Variants in FAM53A observed in about 807,000 individuals in gnomAD.
The protein encoded by FAM53A is family with sequence similarity 53 member A, also known as protein FAM53A.
A neutral mutation model predicts 26.6 loss-of-function variants in FAM53A; 28 were observed. That is an observed-to-expected ratio of 1.05 (90% CI 0.78 to 1.45). FAM53A has a LOEUF of 1.45. Among genes scored for constraint, FAM53A ranks in the 40% most tolerant of loss-of-function variants. The probability of loss-of-function intolerance (pLI) is 0.00; values close to 1 mark genes in which losing one functional copy is unlikely to be tolerated. For synonymous variants in FAM53A, 290 were observed against 253.1 expected (o/e 1.15, Z -1.38); for missense variants, 650 against 575.8 (o/e 1.13, Z -1.32).
intron 4 of FAM53A, among the ~76,000 whole-genome samples, chr4:1,652,482 A>C (rs1055328366): frequency 1.4e-5 from 2 of 145,928 alleles, no homozygotes; most frequent in African/African-American, 5.1e-5. Flanking sequence ...CATCACACAT[A>C]CCACACACGT....
At chr4:1,575,760 G>A in the FAM53A span, among the ~76,000 whole-genome samples, 1 of 152,118 alleles carries the variant, frequency 6.6e-6, no homozygotes, top group African/African-American at 2.4e-5. Flanking sequence ...GGAGCTGGGG[G>A]CAGAATGAGG....
intron 1 of FAM53A, among the ~76,000 whole-genome samples, chr4:1,672,808 C>T (rs190169883): frequency 5.1e-4 from 74 of 146,282 alleles, no homozygotes; most frequent in African/African-American, 1.9e-3. Context: ...CTTTCTCCAT[C>T]GCCCAGGCTG....
At chr4:1,577,778 A>T in the FAM53A span, among the ~76,000 whole-genome samples, 1 of 152,156 alleles carries the variant, frequency 6.6e-6, no homozygotes, top group Non-Finnish European at 1.5e-5. Flanking sequence ...TACCGCGGCC[A>T]TTTAATTCAA....
At chr4:1,588,080 A>C in the FAM53A span, among the ~76,000 whole-genome samples, 1 of 152,212 alleles carries the variant, frequency 6.6e-6, no homozygotes, top group Non-Finnish European at 1.5e-5. Context: ...AGCATCCTTA[A>C]TGCTAAGTCA....
chr4:1,619,751 G>A (rs982413110), intron 1 of FAM53A, among the ~76,000 whole-genome samples: 2 of 152,130 alleles, frequency 1.3e-5, no homozygotes, highest in African/African-American at 4.8e-5. Context: ...TCAGGGCCCT[G>A]GCAGGAATGG....
chr4:1,620,699 ACAC>A (rs60242901), intron 1 of FAM53A, among the ~76,000 whole-genome samples: 7 of 150,486 alleles, frequency 4.7e-5, no homozygotes, highest in African/African-American at 7.4e-5. Flanking sequence ...GAAAGAAAAA[ACAC>A]CACCACCACC....
the FAM53A span, among the ~76,000 whole-genome samples, chr4:1,584,751 C>G: frequency 1.3e-5 from 2 of 152,240 alleles, no homozygotes; most frequent in Admixed American, 1.3e-4. Context: ...ACTTTTTACT[C>G]TGTGCCTGGC....
At position 1,668,655 on chromosome 4, in the gene FAM53A, G is replaced by A. The variant is rs994566936; in HGVS notation, c.75+12C>T. Reference sequence around the variant, plus strand: ...AGGGGCACCCAGCCTGGTGCCACCTGCAGCTGCTTACCGGGCCAGCCTCCG... The same window carrying A: ...AGGGGCACCCAGCCTGGTGCCACCTACAGCTGCTTACCGGGCCAGCCTCCG... On this transcript the variant is annotated intron_variant, in intron 2 of 4. Coordinates refer to ENST00000308132, the MANE Select transcript of FAM53A (RefSeq NM_001174070.3). The A allele has an allele frequency of 3.7e-6, 6 of 1,613,884 alleles. No individual in the cohort carries two copies. The highest frequency in any genetic ancestry group is 2.7e-5 in the African/African-American group (2 of 74,936).
chr4:1,671,690 C>A (rs1577148952), intron 1 of FAM53A, among the ~76,000 whole-genome samples: 1 of 152,364 alleles, frequency 6.6e-6, no homozygotes, highest in East Asian at 1.9e-4. Flanking sequence ...AAGCCAGCCT[C>A]CCTCCCTAAT....
chr4:1,595,432 A>T, the FAM53A span, among the ~76,000 whole-genome samples: 2 of 152,160 alleles, frequency 1.3e-5, no homozygotes, highest in African/African-American at 2.4e-5. Context: ...GGGGTCCACC[A>T]CAGGCCGGGG....
intron 2 of FAM53A, among the ~76,000 whole-genome samples, chr4:1,660,728 A>G (rs1434845888): frequency 2.0e-5 from 3 of 152,014 alleles, no homozygotes. Flanking sequence ...CTCTACTAAA[A>G]ATACAAAAAA....
At chr4:1,677,395 T>G (rs1169888857) in intron 1 of FAM53A, among the ~76,000 whole-genome samples, 1 of 152,194 alleles carries the variant, frequency 6.6e-6, no homozygotes, top group Non-Finnish European at 1.5e-5. Context: ...CCTCCGCTCC[T>G]CCAACCCTTC....
At chr4:1,610,631 T>G in the FAM53A span, among the ~76,000 whole-genome samples, 1 of 131,716 alleles carries the variant, frequency 7.6e-6, no homozygotes, top group Non-Finnish European at 1.7e-5. Context: ...CATCTGGGCT[T>G]GGGAGGGATT....
At chr4:1,627,594 G>A (rs1318445731) in intron 1 of FAM53A, among the ~76,000 whole-genome samples, 2 of 152,188 alleles carry the variant, frequency 1.3e-5, no homozygotes. Flanking sequence ...CATCCGCCGT[G>A]GGCCTGATCC....
chr4:1,624,185 C>T (rs1232236413), intron 1 of FAM53A, among the ~76,000 whole-genome samples: 1 of 152,250 alleles, frequency 6.6e-6, no homozygotes, highest in Non-Finnish European at 1.5e-5. Flanking sequence ...GGGCATGGGC[C>T]ACGACTGGCT....
the FAM53A span, among the ~76,000 whole-genome samples, chr4:1,592,677 C>G: frequency 6.6e-6 from 1 of 152,104 alleles, no homozygotes; most frequent in Non-Finnish European, 1.5e-5. Flanking sequence ...GATGGGAGGG[C>G]AGGATCTTCA....
Position 1,672,085 on chromosome 4 carries a change from C to T in FAM53A, c.-164-3180G>A, listed in dbSNP as rs1002743014. ...CATGGACCCACAGACCCAGAACCCA[C>T]GAACCCACGAACCCAGGAACCCACA... On this transcript the variant is annotated intron_variant, in intron 1 of 4. Coordinates refer to ENST00000308132, the MANE Select transcript of FAM53A (RefSeq NM_001174070.3). 1.6e-3 allele frequency among the ~76,000 whole-genome samples: 197 copies of T among 126,030 alleles called. 3 individuals carry two copies. Among genetic ancestry groups the T allele is most frequent in the African/African-American group, 5.3e-3 (185 of 34,734 alleles). The allele number at this position is 126,030 out of a possible 152,430, so 82.7% of individuals were successfully genotyped here.
At position 1,655,646 on chromosome 4, in the gene FAM53A, G is replaced by C; in HGVS notation, c.214C>G (p.Leu72Val). The C allele has an allele frequency of 1.3e-6, 2 of 1,596,790 alleles. No individual in the cohort carries two copies. The highest frequency in any genetic ancestry group is 1.1e-5 in the South Asian group (1 of 89,226). ...QAATGPDFSF[L>V]PGLSAAAHTM... ...TGAGCGGCAGCAGACAGGCCCGGCA[G>C]GAAGGAGAAATCAGGGCCCGTGGCT... The change falls in exon 4 of 5, where the codon CTG becomes GTG. Residue 72 changes from leucine to valine, a missense_variant. Leu to Val is a conservative substitution (Grantham distance 32). Coordinates refer to ENST00000308132, the MANE Select transcript of FAM53A (RefSeq NM_001174070.3).
downstream of FAM53A, among the ~76,000 whole-genome samples, chr4:1,615,275 T>G (rs1243661298): frequency 2.1e-5 from 1 of 47,040 alleles, no homozygotes; most frequent in African/African-American, 8.9e-5. Flanking sequence ...ACGCCCACCC[T>G]ACCTGGGCCC....
Sources: gnomAD v4.1 joint callset for allele counts (sites outside exome capture counted in the v4.1 genomes callset) on GRCh38, gnomAD v4.1.1 for gene constraint, MANE v1.5 for transcripts, NCBI Gene and HGNC (gene_info 2026-07-23, HGNC 2026-07-21) for gene names.